Variants in ITFG1 observed in about 807,000 individuals in gnomAD.
ITFG1 encodes the protein integrin alpha FG-GAP repeat containing 1.
ITFG1 carries 34 observed loss-of-function variants against 81.8 expected under a neutral mutation model. The observed-to-expected ratio is 0.42, with a 90% confidence interval of 0.32 to 0.55. The LOEUF (loss-of-function observed/expected upper bound fraction) is 0.55, where lower values mean the gene tolerates loss of function less well. ITFG1 is among the 20% of genes least tolerant of loss of function. The pLI is 0.17. For synonymous variants in ITFG1, 285 were observed against 270.6 expected (o/e 1.05, Z -0.52); for missense variants, 672 against 755.4 (o/e 0.89, Z 1.29).
At chr16:47,174,098 T>C (rs1964993521) in intron 14 of ITFG1, among the ~76,000 whole-genome samples, 1 of 152,176 alleles carries the variant, frequency 6.6e-6, no homozygotes, top group Non-Finnish European at 1.5e-5. Context: ...GGTTGCTTTG[T>C]TCTTATTCTC....
At chr16:47,249,094 C>T (rs1966036133) in intron 12 of ITFG1, among the ~76,000 whole-genome samples, 1 of 152,132 alleles carries the variant, frequency 6.6e-6, no homozygotes. Context: ...TTAATAATTT[C>T]ATAAGCTTTT....
At chr16:47,352,096 C>G (rs568211619) in intron 8 of ITFG1, among the ~76,000 whole-genome samples, 84 of 152,124 alleles carry the variant, frequency 5.5e-4, no homozygotes, top group Non-Finnish European at 1.0e-3. Context: ...GACCTAAAAT[C>G]ATAAAAACCC....
At chr16:47,410,606 C>T (rs1475430144) in intron 6 of ITFG1, among the ~76,000 whole-genome samples, 4 of 152,100 alleles carry the variant, frequency 2.6e-5, no homozygotes, top group African/African-American at 7.2e-5. Flanking sequence ...AAGCTGGAAC[C>T]CTTGCCTGGC....
intron 6 of ITFG1, among the ~76,000 whole-genome samples, chr16:47,416,550 G>A (rs567122665): frequency 6.6e-6 from 1 of 152,306 alleles, no homozygotes; most frequent in Non-Finnish European, 1.5e-5. Flanking sequence ...GTAGGCCCTA[G>A]TGGGAAGTAT....
intron 10 of ITFG1, chr16:47,263,450 T>A: frequency 2.5e-6 from 1 of 397,594 alleles, no homozygotes; most frequent in South Asian, 2.2e-5. Context: ...GATCCAAGTC[T>A]CCAGTGACAA....
chr16:47,429,758 C>T (rs1969069479), intron 5 of ITFG1, among the ~76,000 whole-genome samples: 1 of 152,150 alleles, frequency 6.6e-6, no homozygotes, highest in Non-Finnish European at 1.5e-5. Context: ...TTTTTCCATT[C>T]TTAAATTGTG....
At chr16:47,302,432 T>C (rs1369036984) in intron 10 of ITFG1, among the ~76,000 whole-genome samples, 1 of 152,114 alleles carries the variant, frequency 6.6e-6, no homozygotes, top group Non-Finnish European at 1.5e-5. Context: ...ATTTAAATGA[T>C]TATACTATTG....
intron 8 of ITFG1, among the ~76,000 whole-genome samples, chr16:47,356,022 A>G (rs144967802): frequency 6.6e-6 from 1 of 152,362 alleles, no homozygotes; most frequent in East Asian, 1.9e-4. Flanking sequence ...TTTAAAATTT[A>G]AACTAATGCA....
At chr16:47,422,699 C>G (rs947140899) in intron 6 of ITFG1, among the ~76,000 whole-genome samples, 18 of 152,258 alleles carry the variant, frequency 1.2e-4, no homozygotes, top group African/African-American at 3.6e-4. Flanking sequence ...GAGATTCAAC[C>G]TCTTCCTGGT....
chr16:47,311,523 C>CT, intron 9 of ITFG1, 111 bp from the exon 10 acceptor site: 2 of 745,614 alleles, frequency 2.7e-6, no homozygotes, highest in Non-Finnish European at 2.0e-6. Context: ...TTTTACTTAA[C>CT]TTTTTTATCT....
intron 8 of ITFG1, among the ~76,000 whole-genome samples, chr16:47,335,469 C>A (rs1227386044): frequency 6.6e-6 from 1 of 152,086 alleles, no homozygotes; most frequent in African/African-American, 2.4e-5. Context: ...AAAAGAATTG[C>A]AAATCATGTA....
At chr16:47,277,964 G>T (rs1277041456) in intron 10 of ITFG1, among the ~76,000 whole-genome samples, 1 of 152,130 alleles carries the variant, frequency 6.6e-6, no homozygotes, top group Non-Finnish European at 1.5e-5. Flanking sequence ...TGCGCAAACA[G>T]ATAACCTTTA....
chr16:47,404,497 T>C (rs1396443525), intron 6 of ITFG1, among the ~76,000 whole-genome samples: 1 of 152,150 alleles, frequency 6.6e-6, no homozygotes. Context: ...AATACCCTAT[T>C]CCCTTAACAA....
intron 6 of ITFG1, among the ~76,000 whole-genome samples, chr16:47,418,030 C>T (rs982821448): frequency 2.0e-5 from 3 of 152,092 alleles, no homozygotes; most frequent in African/African-American, 7.2e-5. Context: ...GCATCCTCAG[C>T]AGGATTTGTT....
At chr16:47,360,357 A>C (rs769221454) in intron 8 of ITFG1, among the ~76,000 whole-genome samples, 9 of 152,110 alleles carry the variant, frequency 5.9e-5, no homozygotes, top group Non-Finnish European at 1.2e-4. Flanking sequence ...AACTTCAAAC[A>C]TTCCTCTGTT....
chr16:47,387,762 C>G (rs535554124), intron 6 of ITFG1, among the ~76,000 whole-genome samples: 1 of 152,094 alleles, frequency 6.6e-6, no homozygotes, highest in Admixed American at 6.5e-5. Flanking sequence ...GTGGAATGAC[C>G]ATAACAATTA....
At chr16:47,447,746 G>A (rs1264802365) in intron 5 of ITFG1, among the ~76,000 whole-genome samples, 1 of 152,080 alleles carries the variant, frequency 6.6e-6, no homozygotes, top group Non-Finnish European at 1.5e-5. Flanking sequence ...CACCATATAA[G>A]TCATCTGCTA....
intron 2 of ITFG1, among the ~76,000 whole-genome samples, chr16:47,455,683 C>T (rs760986029): frequency 1.3e-5 from 2 of 148,848 alleles, no homozygotes; most frequent in African/African-American, 2.5e-5. Flanking sequence ...GCAGGAGAAT[C>T]GCTTGAACCC....
chr16:47,217,663 G>A (rs919883995), intron 14 of ITFG1, among the ~76,000 whole-genome samples: 2 of 152,182 alleles, frequency 1.3e-5, no homozygotes, highest in African/African-American at 2.4e-5. Flanking sequence ...AGTGGCTCAC[G>A]CCTGTAATCC....
Sources: gnomAD v4.1 joint callset for allele counts (sites outside exome capture counted in the v4.1 genomes callset) on GRCh38, gnomAD v4.1.1 for gene constraint, MANE v1.5 for transcripts, NCBI Gene and HGNC (gene_info 2026-07-23, HGNC 2026-07-21) for gene names.